The following MAGI2 variants were observed in gnomAD, a reference collection of about 807,000 sequenced individuals.
MAGI2 encodes the protein membrane associated guanylate kinase, WW and PDZ domain containing 2.
Under a neutral mutation model 133.3 loss-of-function variants are expected in MAGI2, and 35 were observed. That is an observed-to-expected ratio of 0.26 (90% CI 0.20 to 0.35). The LOEUF (loss-of-function observed/expected upper bound fraction) is 0.35. MAGI2 is among the 10% of genes least tolerant of loss of function. The pLI is 1.00. For synonymous variants in MAGI2, 729 were observed against 710.6 expected (o/e 1.03, Z -0.41); for missense variants, 1,636 against 1,863.4 (o/e 0.88, Z 2.25).
At chr7:78,477,936 T>TTA (rs1554432841) in intron 6 of MAGI2, among the ~76,000 whole-genome samples, 6 of 151,754 alleles carry the variant, frequency 4.0e-5, no homozygotes, top group Non-Finnish European at 8.8e-5. Context: ...TTTATTTTTT[T>TTA]ATTATACTTT....
intron 3 of MAGI2, among the ~76,000 whole-genome samples, chr7:78,600,939 AC>A (rs1240340010): frequency 6.6e-6 from 1 of 152,176 alleles, no homozygotes; most frequent in Non-Finnish European, 1.5e-5. Context: ...TGGGTTGGTG[AC>A]AGGTGTAGTG....
At chr7:78,326,610 T>C (rs1209198124) in intron 9 of MAGI2, among the ~76,000 whole-genome samples, 1 of 152,206 alleles carries the variant, frequency 6.6e-6, no homozygotes, top group Non-Finnish European at 1.5e-5. Flanking sequence ...TCTTCTTCTC[T>C]GGCTTCTGTT....
intron 2 of MAGI2, among the ~76,000 whole-genome samples, chr7:78,725,541 A>G (rs917067375): frequency 1.5e-4 from 23 of 152,218 alleles, no homozygotes; most frequent in Admixed American, 1.2e-3. Context: ...GCTCACGCCT[A>G]TAATCCCAAC....
At chr7:79,068,175 A>T (rs1436938615) in intron 1 of MAGI2, among the ~76,000 whole-genome samples, 2 of 152,206 alleles carry the variant, frequency 1.3e-5, no homozygotes, top group Non-Finnish European at 2.9e-5. Context: ...TTTCAGAAGG[A>T]ATGGTACTAA....
At chr7:78,830,897 A>C (rs1422136058) in intron 2 of MAGI2, among the ~76,000 whole-genome samples, 1 of 152,196 alleles carries the variant, frequency 6.6e-6, no homozygotes, top group Non-Finnish European at 1.5e-5. Flanking sequence ...TACACAGCAA[A>C]GTCTCTTGAT....
intron 20 of MAGI2, among the ~76,000 whole-genome samples, chr7:78,094,590 G>T (rs1817534714): frequency 6.6e-6 from 1 of 152,098 alleles, no homozygotes; most frequent in Admixed American, 6.5e-5. Flanking sequence ...CAATTCCACT[G>T]GCCTGTCCTG....
intron 21 of MAGI2, among the ~76,000 whole-genome samples, chr7:78,029,820 T>C (rs968219833): frequency 6.6e-6 from 1 of 152,224 alleles, no homozygotes; most frequent in East Asian, 1.9e-4. Context: ...TTTTTAAGTA[T>C]TGGTAGCTGA....
chr7:79,292,770 CAAAAAAAAAAAAAAAAAA>C (rs199933554), intron 1 of MAGI2, among the ~76,000 whole-genome samples: 3 of 57,396 alleles, frequency 5.2e-5, no homozygotes, highest in East Asian at 4.0e-4. Context: ...TCAATTTCTG[CAAAAAAAAAAAAAAAAAA>C]AAAAAAAAAA....
At chr7:79,303,673 G>C (rs1485022272) in intron 1 of MAGI2, among the ~76,000 whole-genome samples, 1 of 152,128 alleles carries the variant, frequency 6.6e-6, no homozygotes, top group East Asian at 1.9e-4. Context: ...ATCCATTAAT[G>C]AACTCTGACA....
chr7:78,040,633 T>C (rs1810727222), intron 21 of MAGI2, among the ~76,000 whole-genome samples: 1 of 152,140 alleles, frequency 6.6e-6, no homozygotes, highest in South Asian at 2.1e-4. Context: ...GGATGACTTC[T>C]GGGAACCGCA....
At chr7:78,818,713 C>T (rs1789820285) in intron 2 of MAGI2, among the ~76,000 whole-genome samples, 1 of 152,094 alleles carries the variant, frequency 6.6e-6, no homozygotes, top group Admixed American at 6.6e-5. Context: ...ATGACTTCAC[C>T]TCATGTCTTA....
rs115966474 is a variant in MAGI2, at chr7:78,766,665, G to T, written c.419-139426C>A. Among the ~76,000 whole-genome samples the T allele has an allele frequency of 1.7e-3, 253 of 152,264 alleles. 2 individuals are homozygous for T. Among genetic ancestry groups the T allele is most frequent in the African/African-American group, 5.7e-3 (237 of 41,544 alleles). ...ACTATTCTAACTGTTCCTCCACATG[G>T]TGAATATCACCTAAATTTTCAAACA... On this transcript the variant is annotated intron_variant, in intron 2 of 21. Coordinates refer to ENST00000354212, the MANE Select transcript of MAGI2 (RefSeq NM_012301.4).
chr7:78,654,097 A>G (rs1309607049), intron 2 of MAGI2, among the ~76,000 whole-genome samples: 1 of 152,186 alleles, frequency 6.6e-6, no homozygotes, highest in African/African-American at 2.4e-5. Context: ...CTAAATCCCT[A>G]GGATTAAGGT....
chr7:79,089,992 T>TA (rs763008365), intron 1 of MAGI2, among the ~76,000 whole-genome samples: 12 of 151,774 alleles, frequency 7.9e-5, no homozygotes, highest in Middle Eastern at 3.4e-3. Flanking sequence ...TCCCAGAACT[T>TA]AAAGTATAAT....
chr7:78,298,757 G>A (rs192639715), intron 9 of MAGI2, among the ~76,000 whole-genome samples: 4 of 150,580 alleles, frequency 2.7e-5, no homozygotes, highest in Admixed American at 2.7e-4. Context: ...CACTCACCTT[G>A]GCCTCCCAAA....
chr7:78,273,427 T>C (rs1230965633), intron 9 of MAGI2, among the ~76,000 whole-genome samples: 1 of 152,204 alleles, frequency 6.6e-6, no homozygotes, highest in Non-Finnish European at 1.5e-5. Flanking sequence ...GGGTTGCTCT[T>C]CTCGAGGAGT....
In MAGI2 at chr7:78,256,566, T is replaced by C. The variant is rs1330645673; in HGVS notation, c.1424A>G (p.Tyr475Cys). 2.5e-6 allele frequency: 4 copies of C among 1,612,886 alleles called. No individual in the cohort carries two copies. Among genetic ancestry groups the C allele is most frequent in the South Asian group, 1.1e-5 (1 of 90,814 alleles). ...GKMETGDVIV[Y>C]INEVCVLGHT... ...TCCAAGGACACAAACTTCATTAATA[T>C]AGACAATGACATCACCTGTAAGAAA... is the stretch of plus-strand genomic sequence containing the variant. The change falls in exon 10 of 22, where the codon TAT becomes TGT. Residue 475 changes from tyrosine to cysteine, a missense_variant. Tyr to Cys is a radical substitution (Grantham distance 194). This residue lies in a region of MAGI2 where 920 missense variants were observed against 1,093.5 expected (regional missense o/e 0.84). Transcript: ENST00000354212.
chr7:78,914,289 G>T (rs1798623816), intron 2 of MAGI2, among the ~76,000 whole-genome samples: 1 of 151,934 alleles, frequency 6.6e-6, no homozygotes, highest in Non-Finnish European at 1.5e-5. Flanking sequence ...TTTTAAAAAT[G>T]GCTCTTCCTG....
chr7:79,229,242 G>A (rs1033950641), intron 1 of MAGI2, among the ~76,000 whole-genome samples: 1 of 151,866 alleles, frequency 6.6e-6, no homozygotes, highest in African/African-American at 2.4e-5. Flanking sequence ...CTTCTGACGT[G>A]ATATCTCACA....
Sources: allele counts gnomAD v4.1 joint callset (sites outside exome capture counted in the v4.1 genomes callset), GRCh38; gene constraint gnomAD v4.1.1; regional missense constraint gnomAD v4.1.1; transcripts MANE v1.5; gene names NCBI Gene and HGNC (gene_info 2026-07-23, HGNC 2026-07-21).